AGMO: variants seen among roughly 807,000 people sequenced by gnomAD.
AGMO encodes the protein alkylglycerol monooxygenase, also known as glyceryl-ether monooxygenase.
A neutral mutation model predicts 60.2 loss-of-function variants in AGMO; 75 were observed. The ratio of observed to expected loss-of-function variants is 1.25; its 90% CI spans 1.03 to 1.51. The LOEUF (loss-of-function observed/expected upper bound fraction) is 1.51, where lower values mean the gene tolerates loss of function less well. Ranked by LOEUF, AGMO falls within the 40% of genes most tolerant of loss-of-function variation. The probability of loss-of-function intolerance (pLI) is 0.00; values close to 1 mark genes in which losing one functional copy is unlikely to be tolerated. For synonymous variants in AGMO, 261 were observed against 177.1 expected, an observed-to-expected ratio of 1.47 and a Z score of -3.76; for missense variants, 763 against 525.5, an observed-to-expected ratio of 1.45 and a Z score of -4.42.
the AGMO span, among the ~76,000 whole-genome samples, chr7:15,190,585 C>T: frequency 2.6e-5 from 4 of 152,042 alleles, no homozygotes; most frequent in African/African-American, 9.7e-5. Flanking sequence ...TTCTAAGATT[C>T]TTTTCCATTT....
intron 12 of AGMO, among the ~76,000 whole-genome samples, chr7:15,291,643 G>A (rs912511238): frequency 5.3e-5 from 8 of 152,048 alleles, no homozygotes; most frequent in Admixed American, 1.3e-4. Context: ...TTGATGCTAA[G>A]AACCCTGCTA....
At position 15,394,148 on chromosome 7, in the gene AGMO, A is replaced by G. The variant is rs1192121051; in HGVS notation, c.641T>C (p.Ile214Thr). 2 of 1,612,462 alleles carry G rather than the reference A, an allele frequency of 1.2e-6. No individual in the cohort carries two copies. The highest frequency in any genetic ancestry group is 8.5e-7 in the Non-Finnish European group (1 of 1,178,702). ...VINNLGPLEL[I>T]LNTPSHHRVH... Reference sequence around the variant, plus strand: ...CCTATGATGGCTAGGAGTATTAAGAATCAGTTCCAAAGGACCAAGGTTATT... The same window carrying G: ...CCTATGATGGCTAGGAGTATTAAGAGTCAGTTCCAAAGGACCAAGGTTATT... Residue 214 changes from isoleucine (I) to threonine (T), a missense_variant, in exon 6 of 13, where the codon ATT becomes ACT. By Grantham distance (89) the Ile-to-Thr change is moderately conservative. Coordinates refer to ENST00000342526, the MANE Select transcript of AGMO (RefSeq NM_001004320.2).
intron 12 of AGMO, among the ~76,000 whole-genome samples, chr7:15,305,459 T>C (rs1219498152): frequency 1.3e-5 from 2 of 152,004 alleles, no homozygotes; most frequent in Admixed American, 6.6e-5. Context: ...GTTCAACATG[T>C]TGCATCAATT....
chr7:15,548,289 AC>A, intron 2 of AGMO, among the ~76,000 whole-genome samples: 1 of 152,122 alleles, frequency 6.6e-6, no homozygotes, highest in Non-Finnish European at 1.5e-5. Context: ...GCAGTTCCTC[AC>A]CAGCAACGGA....
intron 3 of AGMO, among the ~76,000 whole-genome samples, chr7:15,533,866 G>T (rs555399183): frequency 2.0e-5 from 3 of 152,036 alleles, no homozygotes; most frequent in South Asian, 2.1e-4. Flanking sequence ...TCTTCAAACA[G>T]TTCCAAAACA....
intron 3 of AGMO, among the ~76,000 whole-genome samples, chr7:15,439,061 C>T (rs776704580): frequency 1.1e-4 from 16 of 152,142 alleles, no homozygotes; most frequent in Non-Finnish European, 1.5e-4. Flanking sequence ...ATTTTCTTAT[C>T]ATCAACCTTC....
chr7:15,178,027 C>T, the AGMO span, among the ~76,000 whole-genome samples: 1 of 152,048 alleles, frequency 6.6e-6, no homozygotes, highest in East Asian at 1.9e-4. Flanking sequence ...GTTTTATGTA[C>T]TCCACTCTTC....
At chr7:15,156,016 T>C in the AGMO span, among the ~76,000 whole-genome samples, 21 of 152,174 alleles carry the variant, frequency 1.4e-4, no homozygotes, top group African/African-American at 5.1e-4. Flanking sequence ...GCTAGAGGGG[T>C]TGAGGTATTC....
intron 3 of AGMO, among the ~76,000 whole-genome samples, chr7:15,445,390 A>G (rs544882604): frequency 6.6e-6 from 1 of 152,284 alleles, no homozygotes; most frequent in African/African-American, 2.4e-5. Flanking sequence ...TATTTCAACA[A>G]AGTATATTCA....
At chr7:15,490,893 G>C (rs951812322) in intron 3 of AGMO, among the ~76,000 whole-genome samples, 3 of 152,166 alleles carry the variant, frequency 2.0e-5, no homozygotes, top group African/African-American at 7.2e-5. Flanking sequence ...TACAATGCTT[G>C]AAAGCAGTTA....
intron 4 of AGMO, among the ~76,000 whole-genome samples, chr7:15,420,729 T>C (rs1024895612): frequency 6.6e-6 from 1 of 152,136 alleles, no homozygotes; most frequent in Admixed American, 6.6e-5. Context: ...TGGTACTAAG[T>C]TAACTGAAGA....
intron 12 of AGMO, among the ~76,000 whole-genome samples, chr7:15,218,092 G>A (rs912022752): frequency 2.0e-5 from 3 of 151,780 alleles, no homozygotes; most frequent in African/African-American, 7.3e-5. Flanking sequence ...ACGTATAAAC[G>A]GTAATATATC....
intron 2 of AGMO, among the ~76,000 whole-genome samples, chr7:15,547,564 C>T (rs985486915): frequency 2.0e-5 from 3 of 152,116 alleles, no homozygotes; most frequent in Non-Finnish European, 4.4e-5. Flanking sequence ...ACAGACGCAC[C>T]TGGAAAATCG....
chr7:15,184,559 A>AGGAG, the AGMO span, among the ~76,000 whole-genome samples: 1 of 103,324 alleles, frequency 9.7e-6, no homozygotes, highest in Non-Finnish European at 1.9e-5. Flanking sequence ...AGGAAGGAAA[A>AGGAG]GGAGGGAGGG....
intron 10 of AGMO, among the ~76,000 whole-genome samples, chr7:15,383,577 GTACC>G (rs1319995981): frequency 6.6e-6 from 1 of 151,866 alleles, no homozygotes; most frequent in Non-Finnish European, 1.5e-5. Flanking sequence ...TATTACACTG[GTACC>G]TAACTAAAAT....
chr7:15,239,259 A>G (rs141270737), intron 12 of AGMO, among the ~76,000 whole-genome samples: 24 of 152,212 alleles, frequency 1.6e-4, no homozygotes, highest in African/African-American at 5.5e-4. Context: ...TCAAGATACA[A>G]ACAGTATAGG....
chr7:15,186,811 A>G, the AGMO span, among the ~76,000 whole-genome samples: 1 of 151,834 alleles, frequency 6.6e-6, no homozygotes, highest in Non-Finnish European at 1.5e-5. Flanking sequence ...TTCTCATTCC[A>G]CTTCTGGTGG....
the AGMO span, among the ~76,000 whole-genome samples, chr7:15,120,342 G>T: frequency 6.6e-6 from 1 of 152,100 alleles, no homozygotes; most frequent in African/African-American, 2.4e-5. Flanking sequence ...AGAAGCGTTT[G>T]ACCCTGATGA....
the AGMO span, among the ~76,000 whole-genome samples, chr7:15,139,945 A>G: frequency 6.6e-6 from 1 of 150,976 alleles, no homozygotes; most frequent in African/African-American, 2.4e-5. Flanking sequence ...AATATATTAT[A>G]TGTTAGAACC....
Sources: gnomAD v4.1 joint callset for allele counts (sites outside exome capture counted in the v4.1 genomes callset) on GRCh38, gnomAD v4.1.1 for gene constraint, MANE v1.5 for transcripts, NCBI Gene and HGNC (gene_info 2026-07-23, HGNC 2026-07-21) for gene names.